The following FAM227B variants were observed in gnomAD, a reference collection of about 807,000 sequenced individuals.
FAM227B encodes the protein family with sequence similarity 227 member B.
FAM227B carries 88 observed loss-of-function variants against 73.8 expected under a neutral mutation model. The observed-to-expected ratio is 1.19, with a 90% confidence interval of 1.00 to 1.42. FAM227B has a LOEUF of 1.42. FAM227B is among the 40% of genes most tolerant of loss of function. The pLI, the probability that FAM227B is intolerant of heterozygous loss-of-function variation, is 0.00. For synonymous variants in FAM227B, 210 were observed against 190.5 expected (o/e 1.10, Z -0.84); for missense variants, 632 against 590.9 (o/e 1.07, Z -0.72).
intron 10 of FAM227B, among the ~76,000 whole-genome samples, chr15:49,536,767 T>A (rs1791398823): frequency 6.6e-6 from 1 of 151,900 alleles, no homozygotes; most frequent in African/African-American, 2.4e-5. Flanking sequence ...ATGACAAACA[T>A]ATGTGGTGAA....
intron 13 of FAM227B, among the ~76,000 whole-genome samples, chr15:49,357,478 A>T (rs1454416372): frequency 1.3e-5 from 2 of 152,120 alleles, no homozygotes; most frequent in Non-Finnish European, 2.9e-5. Flanking sequence ...TAAACTAGAA[A>T]ATCTAGAAGA....
intron 11 of FAM227B, among the ~76,000 whole-genome samples, chr15:49,505,228 A>G (rs1170256657): frequency 6.6e-6 from 1 of 152,210 alleles, no homozygotes; most frequent in East Asian, 1.9e-4. Flanking sequence ...GACAAAAATT[A>G]CATAAATGAT....
chr15:49,620,433 C>T (rs1326686494), intron 1 of FAM227B, among the ~76,000 whole-genome samples: 1 of 152,150 alleles, frequency 6.6e-6, no homozygotes, highest in Non-Finnish European at 1.5e-5. Context: ...GAGGCACGGA[C>T]AAATGTTCTA....
intron 14 of FAM227B, among the ~76,000 whole-genome samples, chr15:49,334,741 G>A (rs999452247): frequency 1.3e-5 from 2 of 152,110 alleles, no homozygotes; most frequent in African/African-American, 4.8e-5. Context: ...TCTTGGAGGT[G>A]CTCCTTGGAC....
At chr15:49,513,200 A>C (rs1280764104) in intron 10 of FAM227B, among the ~76,000 whole-genome samples, 4 of 152,198 alleles carry the variant, frequency 2.6e-5, no homozygotes, top group South Asian at 2.1e-4. Flanking sequence ...ACAATGGTTG[A>C]ACTAATTTCC....
intron 13 of FAM227B, among the ~76,000 whole-genome samples, chr15:49,338,698 C>A (rs2040199593): frequency 1.3e-5 from 2 of 152,190 alleles, no homozygotes; most frequent in Non-Finnish European, 2.9e-5. Context: ...GGAAGTTCTC[C>A]TGGATAATAT....
At chr15:49,375,068 G>T (rs1050690012) in intron 11 of FAM227B, among the ~76,000 whole-genome samples, 1 of 152,032 alleles carries the variant, frequency 6.6e-6, no homozygotes, top group African/African-American at 2.4e-5. Flanking sequence ...GGTTCAAATT[G>T]GCAAACTGAA....
chr15:49,372,322 A>AC (rs1347631269), intron 11 of FAM227B, among the ~76,000 whole-genome samples: 1 of 152,138 alleles, frequency 6.6e-6, no homozygotes, highest in Middle Eastern at 3.2e-3. Flanking sequence ...ATCCTCGCAA[A>AC]CCATTCAGTG....
chr15:49,352,727 C>T (rs543858302), intron 13 of FAM227B, among the ~76,000 whole-genome samples: 4 of 152,132 alleles, frequency 2.6e-5, no homozygotes, highest in Non-Finnish European at 4.4e-5. Flanking sequence ...GTCATCACAG[C>T]GCACTTCAAG....
intron 8 of FAM227B, among the ~76,000 whole-genome samples, chr15:49,573,033 T>C (rs2075219475): frequency 6.6e-6 from 1 of 151,950 alleles, no homozygotes; most frequent in African/African-American, 2.4e-5. Context: ...GAACTTTCTC[T>C]TTCTGGAGAA....
chr15:49,396,526 G>T (rs1054508958), intron 11 of FAM227B: 3 of 162,246 alleles, frequency 1.8e-5, no homozygotes, highest in African/African-American at 7.2e-5. Flanking sequence ...GCCTCTGTAG[G>T]CTCCACCTCT....
chr15:49,493,934 G>A (rs571041731), intron 11 of FAM227B, among the ~76,000 whole-genome samples: 37 of 151,298 alleles, frequency 2.4e-4, no homozygotes, highest in Middle Eastern at 3.4e-3. Context: ...ACAGTGTCAG[G>A]CACTGTAATA....
At chr15:49,533,326 T>C (rs1354920) in intron 10 of FAM227B, among the ~76,000 whole-genome samples, 103,855 of 151,730 alleles carry the variant, frequency 0.68, 35,948 homozygotes, top group East Asian at 0.92. Flanking sequence ...TTTGTGTGCA[T>C]GTGAGAAAAA....
chr15:49,605,708 T>C (rs1312532717), intron 3 of FAM227B, among the ~76,000 whole-genome samples: 1 of 151,680 alleles, frequency 6.6e-6, no homozygotes, highest in East Asian at 1.9e-4. Flanking sequence ...CTGACTGCCC[T>C]GGAGCCTGCC....
chr15:49,375,526 G>T (rs2046104871), intron 11 of FAM227B, among the ~76,000 whole-genome samples: 1 of 151,856 alleles, frequency 6.6e-6, no homozygotes, highest in African/African-American at 2.4e-5. Context: ...AAGAACCAAA[G>T]TGACAAGTAT....
intron 11 of FAM227B, among the ~76,000 whole-genome samples, chr15:49,480,583 G>T (rs1204829609): frequency 6.8e-6 from 1 of 147,356 alleles, no homozygotes; most frequent in Admixed American, 7.2e-5. Context: ...CTGGGTTCAT[G>T]CAATTCTCCT....
In FAM227B at chr15:49,444,236, A is replaced by G. The variant is rs1315846533; in HGVS notation, c.1012+63975T>C. Among the ~76,000 whole-genome samples the G allele has an allele frequency of 3.3e-5, 5 of 151,666 alleles. No individual in the cohort carries two copies. The East Asian group carries it at 5.8e-4, about 18-fold the overall frequency. On this transcript the variant is annotated intron_variant, in intron 11 of 15. Transcript: ENST00000299338. ...ATAAGGATTTATGATTGCTCTCAAGACAATGAAAAAACGGAGAATGGAAGG... is the reference window on the plus strand; with the variant it reads ...ATAAGGATTTATGATTGCTCTCAAGGCAATGAAAAAACGGAGAATGGAAGG...
intron 11 of FAM227B, among the ~76,000 whole-genome samples, chr15:49,402,408 T>C (rs2048230063): frequency 6.6e-6 from 1 of 152,234 alleles, no homozygotes; most frequent in Non-Finnish European, 1.5e-5. Context: ...TGTCTATCCA[T>C]GAGCATGGAA....
intron 10 of FAM227B, among the ~76,000 whole-genome samples, chr15:49,528,779 C>A (rs1209439963): frequency 6.6e-6 from 1 of 151,676 alleles, no homozygotes; most frequent in African/African-American, 2.4e-5. Context: ...CAATGAGATA[C>A]CATCTCAAAC....
Sources: allele counts gnomAD v4.1 joint callset (sites outside exome capture counted in the v4.1 genomes callset), GRCh38; gene constraint gnomAD v4.1.1; transcripts MANE v1.5; gene names NCBI Gene and HGNC (gene_info 2026-07-23, HGNC 2026-07-21).